SMIM35: variants seen among roughly 807,000 people sequenced by gnomAD.
SMIM35 encodes the protein TMPRSS4 antisense RNA 1 (non-protein coding).
chr11:118,038,805 A>G (rs950979483), intron 1 of SMIM35, among the ~76,000 whole-genome samples: 3 of 152,234 alleles, frequency 2.0e-5, no homozygotes, highest in Admixed American at 1.3e-4. Flanking sequence ...CAGAAAAGAA[A>G]ACAATAATAA....
chr11:118,077,944 C>T (rs1367534466), intron 1 of SMIM35, among the ~76,000 whole-genome samples: 5 of 125,914 alleles, frequency 4.0e-5, no homozygotes, highest in East Asian at 2.7e-4. Flanking sequence ...ACTTGGGAGG[C>T]GGAGGTTGTG....
intron 1 of SMIM35, among the ~76,000 whole-genome samples, chr11:118,065,018 G>C (rs1045889977): frequency 6.6e-6 from 1 of 152,182 alleles, no homozygotes; most frequent in African/African-American, 2.4e-5. Flanking sequence ...ACCCTGCCCT[G>C]GAGTGATCCA....
At chr11:118,066,077 C>T (rs537237793) in intron 1 of SMIM35, among the ~76,000 whole-genome samples, 27 of 152,202 alleles carry the variant, frequency 1.8e-4, no homozygotes, top group South Asian at 8.3e-4. Flanking sequence ...ACCCCCCGGA[C>T]GTACGACCTC....
At chr11:118,014,558 T>C in intron 3 of SMIM35, 150 bp downstream of exon 3, 1 of 396,416 alleles carries the variant, frequency 2.5e-6, no homozygotes, top group Non-Finnish European at 4.4e-6. Context: ...CTTTTCTAAA[T>C]GGATTCTCGT....
intron 1 of SMIM35, among the ~76,000 whole-genome samples, chr11:118,057,859 C>T (rs530085119): frequency 1.2e-4 from 18 of 152,256 alleles, no homozygotes; most frequent in Non-Finnish European, 2.2e-4. Context: ...AGGATGGCAG[C>T]GCAGGACTGG....
chr11:118,021,047 G>GTTTTTTTTTTTTTTTTTTTTTTTTTTTTT lies in SMIM35; in HGVS notation c.8-5239_8-5238insAAAAAAAAAAAAAAAAAAAAAAAAAAAAA, dbSNP rs367714265. ...TTAGTTTCCAAATTCACAGGGTAAG[G>GTTTTTTTTTTTTTTTTTTTTTTTTTTTTT]TTTTTTTTTTTACTATTTATTAAGA... On this transcript the variant is annotated intron_variant, in intron 1 of 4. Transcript: ENST00000689828. Among the ~76,000 whole-genome samples, 15 of 140,812 alleles carry GTTTTTTTTTTTTTTTTTTTTTTTTTTTTT rather than the reference G, an allele frequency of 1.1e-4. 1 individual carries two copies. The highest frequency in any genetic ancestry group is 3.1e-4 in the African/African-American group (12 of 38,310). 92.4% of individuals were successfully genotyped at this position (140,812 alleles called of 152,430 possible). A position where few individuals can be genotyped will look rare whatever the true frequency, so the allele number is the denominator to read the frequency against.
intron 1 of SMIM35, among the ~76,000 whole-genome samples, chr11:118,022,032 CTT>C (rs761119844): frequency 7.0e-4 from 84 of 120,620 alleles, no homozygotes; most frequent in Middle Eastern, 4.8e-3. Context: ...AACAATAAGT[CTT>C]TTTTTTTTTT....
At chr11:118,057,867 T>C (rs1944339115) in intron 1 of SMIM35, among the ~76,000 whole-genome samples, 1 of 152,180 alleles carries the variant, frequency 6.6e-6, no homozygotes, top group Non-Finnish European at 1.5e-5. Context: ...AGCGCAGGAC[T>C]GGAGGATGAC....
chr11:118,085,226 C>CTTTTT (rs67063759), intron 1 of SMIM35, among the ~76,000 whole-genome samples: 4 of 141,856 alleles, frequency 2.8e-5, no homozygotes, highest in Admixed American at 7.1e-5. Context: ...TCTTCTTCTT[C>CTTTTT]TTTTTTTTTT....
intron 1 of SMIM35, among the ~76,000 whole-genome samples, chr11:118,076,494 G>A (rs996240784): frequency 2.0e-5 from 3 of 151,442 alleles, no homozygotes; most frequent in Admixed American, 6.6e-5. Context: ...AAATGACTCC[G>A]TGGACGAGGA....
rs142800726 is a variant in SMIM35, at chr11:118,037,059, G to T, written c.8-21250C>A. Among the ~76,000 whole-genome samples, 610 of 152,308 alleles carry T rather than the reference G, an allele frequency of 4.0e-3. 4 individuals carry two copies. The highest frequency in any genetic ancestry group is 0.014 in the African/African-American group (569 of 41,568). On this transcript the variant is annotated intron_variant, in intron 1 of 4. Coordinates refer to ENST00000689828, the MANE Select transcript of SMIM35 (RefSeq NM_001394165.1). ...GTGGTCACCTTCCCAGGTAGGCTTAGGGATTCTTAGTTGGCTTAGGAAATC... is the reference window on the plus strand; with the variant it reads ...GTGGTCACCTTCCCAGGTAGGCTTATGGATTCTTAGTTGGCTTAGGAAATC...
intron 1 of SMIM35, among the ~76,000 whole-genome samples, chr11:118,081,107 G>T (rs1427580849): frequency 1.3e-5 from 2 of 152,238 alleles, no homozygotes; most frequent in Non-Finnish European, 2.9e-5. Context: ...AAATGTGAAT[G>T]AATGAATGAG....
In SMIM35 at chr11:118,028,709, A is replaced by G. The variant is rs139159825; in HGVS notation, c.8-12900T>C. The G allele has an allele frequency of 1.3e-3, 449 of 345,678 alleles. 1 individual carries two copies. Among genetic ancestry groups the G allele is most frequent in the African/African-American group, 9.3e-3 (432 of 46,262 alleles). 21.4% of individuals were successfully genotyped at this position (345,678 alleles called of 1,614,324 possible). On this transcript the variant is annotated intron_variant, in intron 1 of 4. Transcript: ENST00000689828. Reference sequence around the variant, plus strand: ...AGGTGGAGAGGAAAAAAGTCTAAAAACAAAGTAAGGTCAAGGGGTAAATTA... The same window carrying G: ...AGGTGGAGAGGAAAAAAGTCTAAAAGCAAAGTAAGGTCAAGGGGTAAATTA...
At chr11:118,049,122 GGAT>G (rs1171033100) in intron 1 of SMIM35, among the ~76,000 whole-genome samples, 1 of 151,974 alleles carries the variant, frequency 6.6e-6, no homozygotes, top group African/African-American at 2.4e-5. Flanking sequence ...CAGGGGTCAG[GGAT>G]CTTTTCCAGG....
intron 1 of SMIM35, among the ~76,000 whole-genome samples, chr11:118,080,948 A>G (rs536391281): frequency 1.1e-4 from 17 of 152,236 alleles, no homozygotes; most frequent in African/African-American, 3.9e-4. Flanking sequence ...ACTCCTCCAA[A>G]CCTAAAGTGC....
intron 1 of SMIM35, among the ~76,000 whole-genome samples, chr11:118,054,009 C>T (rs1944266691): frequency 2.0e-5 from 3 of 152,040 alleles, no homozygotes; most frequent in African/African-American, 7.2e-5. Flanking sequence ...CTTCCTTTTT[C>T]ACTATTTTAA....
chr11:118,076,058 A>G (rs924023871), intron 1 of SMIM35, among the ~76,000 whole-genome samples: 11 of 152,344 alleles, frequency 7.2e-5, no homozygotes, highest in Admixed American at 3.3e-4. Flanking sequence ...AGTTGAAGCC[A>G]GGTGTTTGAG....
intron 1 of SMIM35, among the ~76,000 whole-genome samples, chr11:118,020,376 C>T (rs956262329): frequency 6.6e-6 from 1 of 152,154 alleles, no homozygotes; most frequent in African/African-American, 2.4e-5. Flanking sequence ...GTACTTTTCT[C>T]TTTCTTGTGA....
At chr11:118,061,356 G>A (rs572360669) in intron 1 of SMIM35, among the ~76,000 whole-genome samples, 2 of 152,318 alleles carry the variant, frequency 1.3e-5, no homozygotes, top group East Asian at 1.9e-4. Flanking sequence ...TTGGATGATC[G>A]ATTCACAGAA....
Sources: allele counts gnomAD v4.1 joint callset (sites outside exome capture counted in the v4.1 genomes callset), GRCh38; gene constraint gnomAD v4.1.1; transcripts MANE v1.5; gene names NCBI Gene and HGNC (gene_info 2026-07-23, HGNC 2026-07-21).